Variants in DGKZ observed in about 807,000 individuals in gnomAD.
The protein encoded by DGKZ is DAG kinase zeta.
Under a neutral mutation model 142.5 loss-of-function variants are expected in DGKZ, and 45 were observed. The ratio of observed to expected loss-of-function variants is 0.32; its 90% confidence interval spans 0.25 to 0.40. The LOEUF (loss-of-function observed/expected upper bound fraction) is 0.40, where lower values mean the gene tolerates loss of function less well. DGKZ is among the 10% of genes least tolerant of loss of function. The probability of loss-of-function intolerance (pLI) is 1.00; values close to 1 mark genes in which losing one functional copy is unlikely to be tolerated. For missense variants in DGKZ, 755 were observed against 1,306.5 expected, an observed-to-expected ratio of 0.58 and a Z score of 6.51; for synonymous variants, 442 against 527.0, an observed-to-expected ratio of 0.84 and a Z score of 2.21.
exon 1 of DGKZ, chr11:46,333,120 C>T: frequency 3.5e-6 from 2 of 570,844 alleles, no homozygotes; most frequent in Non-Finnish European, 5.1e-6. Flanking sequence ...CATCTCGCTG[C>T]TCCTGTCGTC....
intron 20 of DGKZ, 37 bp from the exon 21 acceptor site, chr11:46,375,814 C>T (rs1413629960): frequency 6.5e-7 from 1 of 1,546,628 alleles, no homozygotes; most frequent in Non-Finnish European, 8.7e-7. Flanking sequence ...AAGGCAGGGC[C>T]CTTGCTGAGC....
At chr11:46,333,349 T>C in exon 1 of DGKZ, 2 of 1,355,384 alleles carry the variant, frequency 1.5e-6, no homozygotes, top group Non-Finnish European at 1.9e-6. Flanking sequence ...GAGGAGGAGG[T>C]GGTGCGGCGG....
chr11:46,378,617 G>T, intron 27 of DGKZ, 117 bp downstream of exon 27: 1 of 1,357,404 alleles, frequency 7.4e-7, no homozygotes, highest in Non-Finnish European at 1.0e-6. Flanking sequence ...GTCATCGTCT[G>T]GCCCTCTGTG....
In DGKZ at chr11:46,360,879, T is replaced by C. The variant is rs113927962; in HGVS notation, c.162-6412T>C. Among the ~76,000 whole-genome samples, 1,427 of 151,706 alleles carry C rather than the reference T, an allele frequency of 9.4e-3. 23 individuals carry two copies. Among genetic ancestry groups the C allele is most frequent in the African/African-American group, 0.032 (1,325 of 41,310 alleles). On this transcript the variant is annotated intron_variant, in intron 1 of 30. Coordinates refer to ENST00000527911, the Ensembl canonical transcript of DGKZ. ...TAGGGTACCATGTCAGGACTGGGAG[T>C]TGGGGGGGTGGCATTCCAGTCAGGA... is the stretch of plus-strand genomic sequence containing the variant.
intron 4 of DGKZ, chr11:46,368,552 CA>C (rs1421895830): frequency 3.2e-6 from 1 of 314,202 alleles, no homozygotes; most frequent in Non-Finnish European, 6.3e-6. Context: ...GGGTCAAGGC[CA>C]GGGGCAGAAG....
At chr11:46,375,203 C>G (rs949800584) in intron 19 of DGKZ, among the ~76,000 whole-genome samples, 158 bp downstream of exon 19, 1 of 152,210 alleles carries the variant, frequency 6.6e-6, no homozygotes. Flanking sequence ...CCCCTCTCCT[C>G]ACTATGCCTC....
upstream of DGKZ, among the ~76,000 whole-genome samples, chr11:46,346,780 T>G (rs1398489587): frequency 6.6e-6 from 1 of 152,208 alleles, no homozygotes; most frequent in Non-Finnish European, 1.5e-5. Flanking sequence ...TGTTGAATAC[T>G]ATGTCAGGAA....
chr11:46,366,652 C>A (rs200990303), intron 1 of DGKZ: 1 of 1,597,670 alleles, frequency 6.3e-7, no homozygotes, highest in East Asian at 2.3e-5. Context: ...AGGCATCGAG[C>A]GCCATCCAGC....
upstream of DGKZ, chr11:46,345,713 T>A: frequency 2.1e-6 from 2 of 951,114 alleles, no homozygotes; most frequent in Non-Finnish European, 3.0e-6. This position sits in a 1 kb window ranked among gnomAD's most constrained non-coding sequence, Gnocchi z 4.1. Context: ...AGGCACAGAG[T>A]AGGGCAAAGG....
At chr11:46,357,878 G>A (rs148687078) in intron 1 of DGKZ, among the ~76,000 whole-genome samples, 65 of 152,306 alleles carry the variant, frequency 4.3e-4, no homozygotes, top group African/African-American at 1.5e-3. Flanking sequence ...CAGGTGCGGC[G>A]GCACAGCAGT....
At chr11:46,379,051 C>T in exon 28 of DGKZ, 1 of 1,598,372 alleles carries the variant, frequency 6.3e-7, no homozygotes, top group East Asian at 2.2e-5. Context: ...GAGTCGCACG[C>T]TCCTGCACCA....
rs1229880123 is a variant in DGKZ at position 46,356,672 on chromosome 11, G to A, written c.161+8852G>A. ...GTGTTTTGTTTGCCAGAAGCATCCA[G>A]GGTGGAGCCTGAGGGGTCGAGGGTA... On this transcript the variant is annotated intron_variant, in intron 1 of 30. Transcript: ENST00000527911. Among the ~76,000 whole-genome samples the A allele has an allele frequency of 2.0e-5, 3 of 152,158 alleles. 1 individual carries two copies. The highest frequency in any genetic ancestry group is 2.0e-4 in the Admixed American group (3 of 15,274).
chr11:46,368,193 C>T (rs900495054), intron 4 of DGKZ, 114 bp downstream of exon 4: 4 of 1,137,422 alleles, frequency 3.5e-6, no homozygotes, highest in African/African-American at 1.5e-5. Flanking sequence ...ACCCAGCACT[C>T]GGGGGTGAAG....
intron 25 of DGKZ, chr11:46,377,760 T>C: frequency 3.8e-6 from 1 of 263,834 alleles, no homozygotes. Flanking sequence ...CTTGGTTCTT[T>C]GAGGCATCAG....
At chr11:46,374,560 A>T in intron 16 of DGKZ, 44 bp from the exon 17 acceptor site, 1 of 1,603,278 alleles carries the variant, frequency 6.2e-7, no homozygotes, top group Admixed American at 1.7e-5. Context: ...GCTGGTGAGG[A>T]AAGATCTCTG....
In DGKZ at chr11:46,373,114, G is replaced by A. The variant is rs931561311; in HGVS notation, c.1326+13G>A. On this transcript the variant is annotated intron_variant, in intron 14 of 30. Coordinates refer to ENST00000527911, the Ensembl canonical transcript of DGKZ. ...CGCCACCGACCGGGTAAGTTGGCCAGGGTTGGTGGGGGGCAGGGCAGGTGA... is the reference window on the plus strand; with the variant it reads ...CGCCACCGACCGGGTAAGTTGGCCAAGGTTGGTGGGGGGCAGGGCAGGTGA... 10 of 1,538,530 alleles carry A rather than the reference G, an allele frequency of 6.5e-6. No homozygotes were observed. The highest frequency in any genetic ancestry group is 1.4e-5 in the African/African-American group (1 of 72,216).
Position 46,372,052 on chromosome 11 carries a change from C to T in DGKZ, c.832-23C>T. ...GGTGTCCTGGACGGGAAGGAGCTTACAGCCTCTCACCTTGTCTCCCAGGAG... is the reference window on the plus strand; with the variant it reads ...GGTGTCCTGGACGGGAAGGAGCTTATAGCCTCTCACCTTGTCTCCCAGGAG... On this transcript the variant is annotated intron_variant, in intron 9 of 30. Coordinates refer to ENST00000527911, the Ensembl canonical transcript of DGKZ. The surrounding 1 kb of genome is among the most constrained non-coding windows in gnomAD (Gnocchi z 5.9). 6.3e-6 allele frequency: 10 copies of T among 1,593,572 alleles called. No homozygotes were observed. The highest frequency in any genetic ancestry group is 8.6e-6 in the Non-Finnish European group (10 of 1,168,780).
chr11:46,376,481 G>A (rs760719525), intron 23 of DGKZ, 43 bp from the exon 24 acceptor site: 11 of 1,613,736 alleles, frequency 6.8e-6, no homozygotes, highest in Non-Finnish European at 9.3e-6. Flanking sequence ...ACCTGGGCCT[G>A]GACATGGCAC....
chr11:46,377,050 C>T lies in DGKZ; in HGVS notation c.2203-23C>T, dbSNP rs377033928. On this transcript the variant is annotated intron_variant, in intron 24 of 30. Transcript: ENST00000527911. ...CCCCCACCGTCAGGTGCCCTGACCT[C>T]CCGCCCTGACCTCCCCCCACAGGAG... 49 of 1,609,246 alleles carry T rather than the reference C, an allele frequency of 3.0e-5. No individual in the cohort carries two copies. In the African/African-American group the frequency reaches 6.6e-4, roughly 22 times the overall value.
Sources: allele counts gnomAD v4.1 joint callset (sites outside exome capture counted in the v4.1 genomes callset), GRCh38; gene constraint gnomAD v4.1.1; non-coding constraint Gnocchi (gnomAD v3.1); transcripts MANE v1.5; gene names NCBI Gene and HGNC (gene_info 2026-07-23, HGNC 2026-07-21).